ISY1: variants seen among roughly 807,000 people sequenced by gnomAD.
ISY1 encodes pre-mRNA-splicing factor ISY1 homolog.
In ISY1, 12 loss-of-function variants were observed where a neutral mutation model predicts 54.4. The observed-to-expected ratio is 0.22, with a 90% confidence interval of 0.14 to 0.36. ISY1 has a LOEUF of 0.36. Among genes scored for constraint, ISY1 ranks in the 10% least tolerant of loss-of-function variants. The pLI is 1.00. For missense variants in ISY1, 282 were observed against 342.2 expected, an observed-to-expected ratio of 0.82 and a Z score of 1.39; for synonymous variants, 96 against 117.9, an observed-to-expected ratio of 0.81 and a Z score of 1.20.
intron 6 of ISY1, chr3:129,144,103 T>A (rs2107609749): frequency 2.4e-6 from 1 of 419,940 alleles, no homozygotes; most frequent in East Asian, 7.1e-5. Flanking sequence ...AATGAGCTGC[T>A]TTTAAGCTGC....
chr3:129,131,958 T>C lies in ISY1; in HGVS notation c.664-1322A>G, dbSNP rs547146181. Among the ~76,000 whole-genome samples, 13 of 152,180 alleles carry C rather than the reference T, an allele frequency of 8.5e-5. No homozygotes were observed. In the East Asian group the frequency reaches 9.7e-4, roughly 11 times the overall value. On this transcript the variant is annotated intron_variant, in intron 9 of 10. Transcript: ENST00000393295. ...AATTCTCACACCTCAGCCTCCTGAG[T>C]AGCTGGGACTATAGGCATGTCCAAC...
intron 5 of ISY1, among the ~76,000 whole-genome samples, chr3:129,153,329 T>G (rs1404249324): frequency 6.6e-6 from 1 of 152,172 alleles, no homozygotes; most frequent in Admixed American, 6.5e-5. Context: ...TTAACAGATA[T>G]AGGACTACTC....
chr3:129,148,472 T>C (rs1936839974), intron 5 of ISY1, among the ~76,000 whole-genome samples: 1 of 152,244 alleles, frequency 6.6e-6, no homozygotes, highest in Non-Finnish European at 1.5e-5. Flanking sequence ...GTGTAAGTCA[T>C]TCTATTAAGT....
At chr3:129,155,368 T>C (rs956270496) in intron 5 of ISY1, among the ~76,000 whole-genome samples, 3 of 151,740 alleles carry the variant, frequency 2.0e-5, no homozygotes, top group Non-Finnish European at 4.4e-5. Flanking sequence ...CTAATATTTG[T>C]ATTTTTAGTA....
At chr3:129,147,991 AATT>A (rs1175714319) in intron 5 of ISY1, among the ~76,000 whole-genome samples, 2 of 151,232 alleles carry the variant, frequency 1.3e-5, no homozygotes, top group East Asian at 1.9e-4. Flanking sequence ...TATTTACTTT[AATT>A]ATTATTATTA....
At chr3:129,130,515 C>A in intron 10 of ISY1, 35 bp downstream of exon 10, 1 of 1,610,462 alleles carries the variant, frequency 6.2e-7, no homozygotes, top group African/African-American at 1.3e-5. Context: ...TAGAGAAGCC[C>A]CCGGCGCCCA....
rs561757220 is a variant in ISY1, at chr3:129,143,651, CTAA to C, written c.300+2107_300+2109del. Among the ~76,000 whole-genome samples the C allele has an allele frequency of 2.3e-3, 350 of 150,968 alleles. 1 individual carries two copies. Among genetic ancestry groups the C allele is most frequent in the Non-Finnish European group, 4.0e-3 (273 of 67,772 alleles). ...TTAATGAATTTCTATAATGTATATA[CTAA>C]TATGTATTTTTTATATCTTATAATT... On this transcript the variant is annotated intron_variant, in intron 6 of 10. Coordinates refer to ENST00000393295, the MANE Select transcript of ISY1 (RefSeq NM_020701.4).
At chr3:129,150,224 T>G (rs1212880072) in intron 5 of ISY1, among the ~76,000 whole-genome samples, 1 of 152,190 alleles carries the variant, frequency 6.6e-6, no homozygotes, top group Non-Finnish European at 1.5e-5. Context: ...AGAATGTCAA[T>G]GTAAACAAAA....
Position 129,128,829 on chromosome 3 carries a change from C to T in ISY1, c.*1252G>A. ...CCATGACCCTGCAGAGGGCAGGAAGCCAGGCACCATCTTGCCCAGGGGCTA... is the reference window on the plus strand; with the variant it reads ...CCATGACCCTGCAGAGGGCAGGAAGTCAGGCACCATCTTGCCCAGGGGCTA... On this transcript the variant is annotated 3_prime_UTR_variant, in exon 11 of 11. Transcript: ENST00000393295. 1 of 152,630 alleles carries T rather than the reference C, an allele frequency of 6.6e-6. No individual in the cohort carries two copies. Among genetic ancestry groups the T allele is most frequent in the Non-Finnish European group, 1.5e-5 (1 of 68,284 alleles). The allele number at this position is 152,630 out of a possible 1,614,324, so 9.5% of individuals were successfully genotyped here.
At chr3:129,130,780 C>T in intron 9 of ISY1, 144 bp from the exon 10 acceptor site, 1 of 826,722 alleles carries the variant, frequency 1.2e-6, no homozygotes, top group Non-Finnish European at 1.8e-6. Context: ...ACTTGACCCA[C>T]AAGATTAAGT....
At position 129,141,816 on chromosome 3, in the gene ISY1, A is replaced by G. The variant is rs997058723; in HGVS notation, c.301-1331T>C. Among the ~76,000 whole-genome samples the G allele has an allele frequency of 2.6e-5, 4 of 152,174 alleles. No homozygotes were observed. In the East Asian group the frequency reaches 7.7e-4, roughly 29 times the overall value. ...AAATAAAGATAAAAAACACGATGCTAAGTGACAAAACCTTTAAAAAGATTA... is the reference window on the plus strand; with the variant it reads ...AAATAAAGATAAAAAACACGATGCTGAGTGACAAAACCTTTAAAAAGATTA... On this transcript the variant is annotated intron_variant, in intron 6 of 10. Transcript: ENST00000393295.
At chr3:129,131,151 C>T (rs974545694) in intron 9 of ISY1, among the ~76,000 whole-genome samples, 6 of 152,168 alleles carry the variant, frequency 3.9e-5, no homozygotes, top group Non-Finnish European at 5.9e-5. Flanking sequence ...ACACCGTGCA[C>T]GACCCATTCC....
chr3:129,157,700 G>A (rs767579901), intron 3 of ISY1, among the ~76,000 whole-genome samples: 10 of 123,222 alleles, frequency 8.1e-5, no homozygotes, highest in Admixed American at 3.0e-4. Context: ...CAGCCTGAGC[G>A]ACAGAGCGTC....
At chr3:129,142,004 A>C (rs1252110400) in intron 6 of ISY1, among the ~76,000 whole-genome samples, 2 of 152,020 alleles carry the variant, frequency 1.3e-5, no homozygotes, top group South Asian at 2.1e-4. Flanking sequence ...CAGGAGTTCA[A>C]GACCAGCCTG....
rs777646912 is a variant in ISY1, at chr3:129,134,028, C to T, written c.663+46G>A. 3 of 1,611,600 alleles carry T rather than the reference C, an allele frequency of 1.9e-6. No homozygotes were observed. In the East Asian group the frequency reaches 6.7e-5, roughly 36 times the overall value. Reference sequence around the variant, plus strand: ...GTTTCCTCCCTGCCACACTTCATGGCTTGGAACAGATGGCAGTGAGTGCCA... The same window carrying T: ...GTTTCCTCCCTGCCACACTTCATGGTTTGGAACAGATGGCAGTGAGTGCCA... On this transcript the variant is annotated intron_variant, in intron 9 of 10. Transcript: ENST00000393295.
intron 5 of ISY1, among the ~76,000 whole-genome samples, chr3:129,152,027 C>T (rs1260297000): frequency 6.6e-6 from 1 of 151,978 alleles, no homozygotes; most frequent in Non-Finnish European, 1.5e-5. Flanking sequence ...GGCGTGGTGG[C>T]TGGCACCTGT....
chr3:129,144,509 C>A (rs1936716176), intron 6 of ISY1, among the ~76,000 whole-genome samples: 1 of 152,182 alleles, frequency 6.6e-6, no homozygotes. Context: ...CATACTGTTT[C>A]CAGTGATCTG....
intron 9 of ISY1, among the ~76,000 whole-genome samples, chr3:129,133,817 T>C (rs1432951776): frequency 6.6e-6 from 1 of 152,204 alleles, no homozygotes; most frequent in Non-Finnish European, 1.5e-5. Context: ...AGTCTAATTC[T>C]AGTGTATGCA....
rs568907448 is a variant in ISY1, at chr3:129,147,158, T to C, written c.188-1285A>G. On this transcript the variant is annotated intron_variant, in intron 5 of 10. Coordinates refer to ENST00000393295, the MANE Select transcript of ISY1 (RefSeq NM_020701.4). Reference sequence around the variant, plus strand: ...GGGAGGCAGAGGAGGGCAGATCACTTGAGGTCAGGAGTTCGAGACCAGCCT... The same window carrying C: ...GGGAGGCAGAGGAGGGCAGATCACTCGAGGTCAGGAGTTCGAGACCAGCCT... Among the ~76,000 whole-genome samples, 17 of 151,968 alleles carry C rather than the reference T, an allele frequency of 1.1e-4. No individual in the cohort carries two copies. In the East Asian group the frequency reaches 2.5e-3, roughly 22 times the overall value.
Sources: gnomAD v4.1 joint callset for allele counts (sites outside exome capture counted in the v4.1 genomes callset) on GRCh38, gnomAD v4.1.1 for gene constraint, MANE v1.5 for transcripts, NCBI Gene and HGNC (gene_info 2026-07-23, HGNC 2026-07-21) for gene names.